The following DIAPH2 variants were observed in gnomAD, a reference collection of about 807,000 sequenced individuals.
The protein encoded by DIAPH2 is diaphanous related formin 2, also known as protein diaphanous homolog 2.
In DIAPH2, 35 loss-of-function variants were observed where a neutral mutation model predicts 92.7. That is an observed-to-expected ratio of 0.38 (90% confidence interval 0.29 to 0.50). The LOEUF (loss-of-function observed/expected upper bound fraction) is 0.50, where lower values mean the gene tolerates loss of function less well. Ranked by LOEUF, DIAPH2 falls within the 20% of genes least tolerant of loss-of-function variation. The probability of loss-of-function intolerance (pLI) is 0.94; values close to 1 mark genes in which losing one functional copy is unlikely to be tolerated. For synonymous variants in DIAPH2, 301 were observed against 280.4 expected, an observed-to-expected ratio of 1.07 and a Z score of -0.73; for missense variants, 701 against 819.5, an observed-to-expected ratio of 0.86 and a Z score of 1.77.
intron 24 of DIAPH2, among the ~76,000 whole-genome samples, chrX:97,373,426 C>T (rs756787590): frequency 1.8e-5 from 2 of 108,986 alleles, no homozygotes; most frequent in South Asian, 4.1e-4. Context: ...CTAGCTCCAG[C>T]TGCTAATTCT....
At chrX:97,559,663 G>A (rs1026278604) in intron 26 of DIAPH2, among the ~76,000 whole-genome samples, 16 of 111,744 alleles carry the variant, frequency 1.4e-4, no homozygotes, top group African/African-American at 4.9e-4. Context: ...TACGTACACG[G>A]TAGACATGGT....
intron 4 of DIAPH2, among the ~76,000 whole-genome samples, chrX:96,841,923 G>A (rs1046290487): frequency 9.0e-6 from 1 of 111,431 alleles, no homozygotes; most frequent in African/African-American, 3.3e-5. Flanking sequence ...AGTCAAAGGG[G>A]GTTGTTCTCT....
intron 22 of DIAPH2, among the ~76,000 whole-genome samples, chrX:97,194,413 C>T (rs1057476352): frequency 9.2e-6 from 1 of 109,191 alleles, no homozygotes; most frequent in Non-Finnish European, 1.9e-5. Context: ...TCCCGAGTAG[C>T]TGGGACTACA....
At chrX:96,716,253 A>G (rs1393566068) in intron 1 of DIAPH2, among the ~76,000 whole-genome samples, 1 of 111,904 alleles carries the variant, frequency 8.9e-6, no homozygotes, top group African/African-American at 3.2e-5. Context: ...TGTAAGAAAC[A>G]TGAGAAAGCT....
intron 25 of DIAPH2, among the ~76,000 whole-genome samples, chrX:97,387,392 A>G (rs1272599181): frequency 8.9e-6 from 1 of 112,393 alleles, no homozygotes; most frequent in Non-Finnish European, 1.9e-5. Flanking sequence ...GATTTATTTT[A>G]TGGAATTGGC....
At chrX:97,202,749 C>T (rs1163923919) in intron 22 of DIAPH2, among the ~76,000 whole-genome samples, 1 of 111,543 alleles carries the variant, frequency 9.0e-6, no homozygotes, top group African/African-American at 3.3e-5. Flanking sequence ...CTTTAACACC[C>T]CACTGTCAAT....
chrX:97,036,825 A>C (rs1343667196), intron 17 of DIAPH2, among the ~76,000 whole-genome samples: 2 of 111,776 alleles, frequency 1.8e-5, no homozygotes, highest in African/African-American at 6.5e-5. Context: ...GTTTGACTTT[A>C]GGGACATAAA....
intron 25 of DIAPH2, among the ~76,000 whole-genome samples, chrX:97,414,506 C>T (rs978329598): frequency 6.4e-5 from 7 of 109,268 alleles, no homozygotes; most frequent in Non-Finnish European, 1.1e-4. Flanking sequence ...AAAAATTAGC[C>T]GGGCATGGTG....
chrX:97,208,514 T>A (rs969607789), intron 22 of DIAPH2, among the ~76,000 whole-genome samples: 1 of 112,015 alleles, frequency 8.9e-6, no homozygotes, highest in East Asian at 2.8e-4. Flanking sequence ...ATGCATTAGC[T>A]ACTATTAGAT....
intron 4 of DIAPH2, among the ~76,000 whole-genome samples, chrX:96,807,064 T>A (rs1252294686): frequency 8.9e-6 from 1 of 112,154 alleles, no homozygotes; most frequent in Non-Finnish European, 1.9e-5. Flanking sequence ...AAACTGGACA[T>A]GCCACTTTAA....
intron 17 of DIAPH2, among the ~76,000 whole-genome samples, chrX:97,070,809 A>G (rs1346550294): frequency 8.9e-6 from 1 of 111,911 alleles, no homozygotes; most frequent in Non-Finnish European, 1.9e-5. Flanking sequence ...ACTATGAACT[A>G]TAGATATTTA....
chrX:97,549,460 T>G (rs1278788874), intron 26 of DIAPH2, among the ~76,000 whole-genome samples: 1 of 111,742 alleles, frequency 8.9e-6, no homozygotes, highest in Non-Finnish European at 1.9e-5. Flanking sequence ...TTATTAATCT[T>G]TTTTCTAGAA....
chrX:96,912,661 G>A (rs1445042538), intron 7 of DIAPH2, 109 bp downstream of exon 7: 2 of 923,301 alleles, frequency 2.2e-6, no homozygotes, highest in Non-Finnish European at 2.8e-6. Flanking sequence ...TAATTTCCAG[G>A]GTACATGTAT....
In DIAPH2 at chrX:96,930,791, G is replaced by A; in HGVS notation, c.1037G>A (p.Arg346Gln). 4 of 1,200,613 alleles carry A rather than the reference G, an allele frequency of 3.3e-6. No individual in the cohort carries two copies. The highest frequency in any genetic ancestry group is 1.8e-5 in the South Asian group (1 of 54,421). Residue 346 changes from arginine to glutamine, a missense_variant, in exon 10 of 27, where the codon CGA becomes CAA. Transcript: ENST00000324765. ...ACTTCTCCTTATGAGCTTGATTTTC[G>A]AATACATTTAAGGAATGAATTCCTC... is the stretch of plus-strand genomic sequence containing the variant. ...LVTSPYELDF[R>Q]IHLRNEFLRS...
At chrX:97,281,743 CAAA>C (rs768094230) in intron 23 of DIAPH2, among the ~76,000 whole-genome samples, 13 of 76,052 alleles carry the variant, frequency 1.7e-4, no homozygotes, top group African/African-American at 5.4e-4. Context: ...GACTCCGTCT[CAAA>C]AAAAAAAAAA....
chrX:97,566,096 G>C (rs1419596427), intron 26 of DIAPH2, among the ~76,000 whole-genome samples: 1 of 111,882 alleles, frequency 8.9e-6, no homozygotes, highest in Non-Finnish European at 1.9e-5. Flanking sequence ...TACATCATAA[G>C]CATCTAAAAC....
chrX:97,510,728 G>A (rs1195375695), intron 26 of DIAPH2, among the ~76,000 whole-genome samples: 1 of 95,208 alleles, frequency 1.1e-5, no homozygotes, highest in Admixed American at 1.2e-4. Flanking sequence ...TTCTACATAT[G>A]GCTAGCCAGT....
chrX:97,253,766 T>C (rs1424308668), intron 23 of DIAPH2, among the ~76,000 whole-genome samples: 3 of 106,673 alleles, frequency 2.8e-5, no homozygotes, highest in Non-Finnish European at 5.7e-5. Context: ...AATAAATAAA[T>C]AATAATAAAA....
chrX:97,083,798 G>A (rs1006058390), intron 19 of DIAPH2, among the ~76,000 whole-genome samples: 13 of 111,704 alleles, frequency 1.2e-4, no homozygotes, highest in African/African-American at 4.2e-4. Context: ...ACAGGTTTTG[G>A]ACATTTAATT....
Sources: allele counts gnomAD v4.1 joint callset (sites outside exome capture counted in the v4.1 genomes callset), GRCh38; gene constraint gnomAD v4.1.1; transcripts MANE v1.5; gene names NCBI Gene and HGNC (gene_info 2026-07-23, HGNC 2026-07-21).